The following AHI1 variants were observed in gnomAD, a reference collection of about 807,000 sequenced individuals.
AHI1 encodes the protein jouberin.
A neutral mutation model predicts 149.3 loss-of-function variants in AHI1; 123 were observed. The observed-to-expected ratio is 0.82, with a 90% confidence interval of 0.71 to 0.96. The LOEUF (loss-of-function observed/expected upper bound fraction) is 0.96. AHI1 is among the 40% of genes least tolerant of loss of function. The probability of loss-of-function intolerance (pLI) is 0.00; values close to 1 mark genes in which losing one functional copy is unlikely to be tolerated. For synonymous variants in AHI1, 475 were observed against 459.8 expected (o/e 1.03, Z -0.42); for missense variants, 1,439 against 1,422.7 (o/e 1.01, Z -0.18).
intron 14 of AHI1, among the ~76,000 whole-genome samples, chr6:135,438,854 C>T (rs990163071): frequency 5.3e-5 from 8 of 151,958 alleles, no homozygotes; most frequent in Admixed American, 1.3e-4. Flanking sequence ...TATTATTTCA[C>T]CTGAAAATCA....
rs368897693 is a variant in AHI1, at chr6:135,444,678, C to T, written c.1780-1964G>A. On this transcript the variant is annotated intron_variant, in intron 13 of 28. Transcript: ENST00000265602. The stretch of plus-strand genomic sequence containing the variant: ...CATTCTTGGAACATTTTTTTGGAGG[C>T]TATTTGGAGTTTTCATAAAAATAAA... Among the ~76,000 whole-genome samples the T allele has an allele frequency of 4.1e-4, 62 of 152,232 alleles. No individual in the cohort carries two copies. The East Asian group carries it at 6.2e-3, about 15-fold the overall frequency.
chr6:135,462,414 A>G (rs181301126), intron 8 of AHI1, among the ~76,000 whole-genome samples: 30 of 152,216 alleles, frequency 2.0e-4, no homozygotes, highest in African/African-American at 6.8e-4. Flanking sequence ...ACGAATTGGG[A>G]GGATACCATG....
chr6:135,391,773 A>G (rs970950914), intron 23 of AHI1, among the ~76,000 whole-genome samples: 1 of 152,210 alleles, frequency 6.6e-6, no homozygotes, highest in African/African-American at 2.4e-5. Flanking sequence ...GACTTTATTC[A>G]GGGCTACTGC....
intron 26 of AHI1, chr6:135,301,832 T>C: frequency 1.0e-6 from 1 of 985,410 alleles, no homozygotes; most frequent in Non-Finnish European, 1.2e-6. Flanking sequence ...AATTTCAGAT[T>C]CAACTACTAA....
chr6:135,413,649 T>C (rs867432066), intron 20 of AHI1, among the ~76,000 whole-genome samples: 2 of 152,062 alleles, frequency 1.3e-5, no homozygotes, highest in South Asian at 4.1e-4. Flanking sequence ...GCACTAGAAT[T>C]GACTTTAGCA....
At position 135,457,760 on chromosome 6, in the gene AHI1, T is replaced by C. The variant is rs1386723427; in HGVS notation, c.932-47A>G. On this transcript the variant is annotated intron_variant, in intron 8 of 28. Transcript: ENST00000265602. ...TCAATGTTATAATTAGTTGTTCCCA[T>C]AGTAGTATTTACATATAACCTAATC... The C allele has an allele frequency of 2.6e-6, 4 of 1,515,394 alleles. No individual in the cohort carries two copies. The Admixed American group carries it at 6.7e-5, about 25-fold the overall frequency. The allele number at this position is 1,515,394 out of a possible 1,614,324, so 93.9% of individuals were successfully genotyped here. A position where few individuals can be genotyped will look rare whatever the true frequency, so the allele number is the denominator to read the frequency against.
At chr6:135,471,775 G>C (rs1269390576) in intron 5 of AHI1, among the ~76,000 whole-genome samples, 2 of 151,912 alleles carry the variant, frequency 1.3e-5, no homozygotes, top group Non-Finnish European at 2.9e-5. Context: ...CACTTTGGGA[G>C]GCCGAGGCGG....
chr6:135,346,336 AG>A (rs1261469833), intron 24 of AHI1, among the ~76,000 whole-genome samples: 1 of 152,118 alleles, frequency 6.6e-6, no homozygotes, highest in Non-Finnish European at 1.5e-5. Context: ...CTGGGACTAC[AG>A]GTGCTCGCCA....
chr6:135,312,899 C>T (rs539066872), intron 26 of AHI1, among the ~76,000 whole-genome samples: 29 of 152,164 alleles, frequency 1.9e-4, no homozygotes, highest in Admixed American at 7.8e-4. Flanking sequence ...TTATCACAGA[C>T]GACTTTTCAT....
At chr6:135,490,849 G>T in intron 4 of AHI1, 102 bp from the exon 5 acceptor site, 1 of 1,376,624 alleles carries the variant, frequency 7.3e-7, no homozygotes, top group Non-Finnish European at 9.8e-7. Context: ...ATATCGGCAT[G>T]AGTTCTCTAG....
At chr6:135,323,549 A>G (rs950157637) in intron 24 of AHI1, among the ~76,000 whole-genome samples, 2 of 152,230 alleles carry the variant, frequency 1.3e-5, no homozygotes, top group Non-Finnish European at 2.9e-5. Flanking sequence ...CATTCAATAC[A>G]CTAAGATTAG....
chr6:135,296,520 C>T (rs906149469), intron 27 of AHI1, among the ~76,000 whole-genome samples: 1 of 152,146 alleles, frequency 6.6e-6, no homozygotes, highest in African/African-American at 2.4e-5. Flanking sequence ...TCTAAAAAGC[C>T]TAATTTCCTT....
intron 23 of AHI1, among the ~76,000 whole-genome samples, chr6:135,383,216 TC>T (rs71547030): frequency 8.5e-6 from 1 of 118,208 alleles, no homozygotes; most frequent in Non-Finnish European, 1.7e-5. Flanking sequence ...ATTCCTTCCT[TC>T]CCCCCTCCCT....
In AHI1 at chr6:135,347,813, T is replaced by C. The variant is rs572710043; in HGVS notation, c.3165+10319A>G. On this transcript the variant is annotated intron_variant, in intron 24 of 28. Coordinates refer to ENST00000265602, the MANE Select transcript of AHI1 (RefSeq NM_001134831.2). ...GAATTCCTCTGCTGAAAACCAGGAT[T>C]TATTTTCAGATTTGGTAAAATAAGC... Among the ~76,000 whole-genome samples the C allele has an allele frequency of 2.6e-5, 4 of 152,316 alleles. No individual in the cohort carries two copies. In the South Asian group the frequency reaches 8.3e-4, roughly 32 times the overall value.
chr6:135,339,021 G>A (rs1347380213), intron 24 of AHI1, among the ~76,000 whole-genome samples: 1 of 151,410 alleles, frequency 6.6e-6, no homozygotes, highest in Admixed American at 6.6e-5. Flanking sequence ...TCTGCCTACC[G>A]GGTTCAAGTG....
rs142381345 is a variant in AHI1 at position 135,394,846 on chromosome 6, C to T, written c.3039G>A (p.Gln1013=). 561 of 1,606,410 alleles carry T rather than the reference C, an allele frequency of 3.5e-4. 2 individuals carry two copies. The African/African-American group carries it at 5.1e-3, about 15-fold the overall frequency. ...GCATGTTTGACTGCTTTAACTTAGA[C>T]TGTTGTGAGGAAACTGCTGGTGGTG... ...FTSPPAVSSQ[Q]SKLKQSNMLT... is the part of the protein sequence containing the mutation. Residue 1013 remains glutamine, a synonymous_variant, in exon 23 of 29, where the codon CAG becomes CAA. Coordinates refer to ENST00000265602, the MANE Select transcript of AHI1 (RefSeq NM_001134831.2).
chr6:135,416,608 G>A (rs1782421297), intron 20 of AHI1, among the ~76,000 whole-genome samples: 1 of 151,676 alleles, frequency 6.6e-6, no homozygotes, highest in Non-Finnish European at 1.5e-5. Context: ...ATTATTCATT[G>A]GAAAAAATAA....
intron 26 of AHI1, among the ~76,000 whole-genome samples, chr6:135,314,051 A>C (rs1333438527): frequency 6.6e-6 from 1 of 152,196 alleles, no homozygotes; most frequent in Non-Finnish European, 1.5e-5. Context: ...AAATGCTTCC[A>C]CTGCATTAAA....
At chr6:135,427,886 G>A (rs1390045771) in intron 19 of AHI1, among the ~76,000 whole-genome samples, 3 of 151,294 alleles carry the variant, frequency 2.0e-5, no homozygotes, top group Non-Finnish European at 3.0e-5. Flanking sequence ...TATTGAAGGC[G>A]AGACTTGTTG....
Sources: allele counts gnomAD v4.1 joint callset (sites outside exome capture counted in the v4.1 genomes callset), GRCh38; gene constraint gnomAD v4.1.1; transcripts MANE v1.5; gene names NCBI Gene and HGNC (gene_info 2026-07-23, HGNC 2026-07-21).